SORCS3: variants seen among roughly 807,000 people sequenced by gnomAD.
SORCS3 encodes the protein VPS10 domain-containing receptor SorCS3.
Under a neutral mutation model 146.3 loss-of-function variants are expected in SORCS3, and 57 were observed. That is an observed-to-expected ratio of 0.39 (90% CI 0.31 to 0.49). SORCS3 has a LOEUF of 0.49. Ranked by LOEUF, SORCS3 falls within the 20% of genes least tolerant of loss-of-function variation. The pLI is 0.92. For synonymous variants in SORCS3, 653 were observed against 618.5 expected (o/e 1.06, Z -0.83); for missense variants, 1,341 against 1,575.5 (o/e 0.85, Z 2.52).
At chr10:105,154,046 G>A (rs2056187680) in intron 9 of SORCS3, among the ~76,000 whole-genome samples, 1 of 134,948 alleles carries the variant, frequency 7.4e-6, no homozygotes, top group South Asian at 2.4e-4. Context: ...CTCTAGCCCA[G>A]GTGACTGAGT....
chr10:105,016,458 T>C (rs1198741956), intron 4 of SORCS3, among the ~76,000 whole-genome samples: 2 of 151,994 alleles, frequency 1.3e-5, no homozygotes, highest in African/African-American at 4.8e-5. Context: ...CTTATAAATA[T>C]ATATTTTATA....
At chr10:104,750,105 C>T (rs889620401) in intron 1 of SORCS3, among the ~76,000 whole-genome samples, 5 of 152,114 alleles carry the variant, frequency 3.3e-5, no homozygotes, top group African/African-American at 1.2e-4. Flanking sequence ...ACTTATATTA[C>T]ATACTATGAT....
rs541625818 is a variant in SORCS3, at chr10:104,856,039, T to C, written c.695+13180T>C. 2.7e-4 allele frequency among the ~76,000 whole-genome samples: 41 copies of C among 152,254 alleles called. 1 individual carries two copies. The South Asian group carries it at 8.3e-3, about 31-fold the overall frequency. On this transcript the variant is annotated intron_variant, in intron 2 of 26. Coordinates refer to ENST00000369701, the MANE Select transcript of SORCS3 (RefSeq NM_014978.3). ...AGGCATGAGCCACCATGCCCAGCCA[T>C]GCTTTTGAATGTTTATTGTGAACTC...
intron 20 of SORCS3, among the ~76,000 whole-genome samples, chr10:105,227,860 T>C (rs1189822871): frequency 1.3e-5 from 2 of 152,052 alleles, no homozygotes; most frequent in Admixed American, 6.6e-5. Context: ...GATATAAATA[T>C]AGCTACTCCT....
At chr10:105,242,385 T>G (rs1190006733) in intron 20 of SORCS3, among the ~76,000 whole-genome samples, 1 of 115,212 alleles carries the variant, frequency 8.7e-6, no homozygotes, top group Non-Finnish European at 1.7e-5. Context: ...TATATTTATA[T>G]ATATTTATAT....
intron 3 of SORCS3, among the ~76,000 whole-genome samples, chr10:104,922,352 G>T (rs1419903887): frequency 6.6e-6 from 1 of 152,218 alleles, no homozygotes; most frequent in Non-Finnish European, 1.5e-5. Flanking sequence ...AGCAAAGTAT[G>T]TTTTGAGGGA....
At chr10:104,725,586 G>GAGGC (rs1351585953) in intron 1 of SORCS3, among the ~76,000 whole-genome samples, 2 of 152,180 alleles carry the variant, frequency 1.3e-5, no homozygotes, top group African/African-American at 4.8e-5. Context: ...GGAGTCTATA[G>GAGGC]AGGCAGGCAG....
chr10:104,782,228 C>G (rs1032118294), intron 1 of SORCS3, among the ~76,000 whole-genome samples: 1 of 152,184 alleles, frequency 6.6e-6, no homozygotes, highest in Non-Finnish European at 1.5e-5. Flanking sequence ...CCTGATACTC[C>G]TGAGCCTGGA....
At chr10:105,076,044 A>G (rs937548863) in intron 5 of SORCS3, among the ~76,000 whole-genome samples, 1 of 152,184 alleles carries the variant, frequency 6.6e-6, no homozygotes, top group African/African-American at 2.4e-5. Context: ...GTGTCTCTGT[A>G]TGTTCCATAA....
intron 4 of SORCS3, among the ~76,000 whole-genome samples, chr10:104,990,806 G>C (rs369452235): frequency 6.6e-4 from 100 of 152,220 alleles, no homozygotes; most frequent in African/African-American, 2.4e-3. Flanking sequence ...GGCTGGAAAA[G>C]GCAAGGAAAT....
chr10:104,799,233 A>G (rs2017594847), intron 1 of SORCS3, among the ~76,000 whole-genome samples: 1 of 152,198 alleles, frequency 6.6e-6, no homozygotes, highest in Non-Finnish European at 1.5e-5. Context: ...TACAATAAAG[A>G]CACATACACA....
At chr10:105,129,898 C>T (rs942101579) in intron 7 of SORCS3, among the ~76,000 whole-genome samples, 3 of 152,084 alleles carry the variant, frequency 2.0e-5, no homozygotes, top group Admixed American at 6.6e-5. Context: ...TATCCTTTAT[C>T]CCTGATCAAC....
chr10:104,645,066 G>T (rs1320454036), intron 1 of SORCS3, among the ~76,000 whole-genome samples: 1 of 152,154 alleles, frequency 6.6e-6, no homozygotes, highest in East Asian at 1.9e-4. Context: ...CAAAGGAGAA[G>T]GAGTGCAACT....
At chr10:104,833,762 A>T (rs2018034528) in intron 1 of SORCS3, among the ~76,000 whole-genome samples, 1 of 152,076 alleles carries the variant, frequency 6.6e-6, no homozygotes, top group South Asian at 2.1e-4. Context: ...CCATCCAATC[A>T]CTGACAGCTC....
chr10:104,650,198 T>C (rs1232265416), intron 1 of SORCS3, among the ~76,000 whole-genome samples: 1 of 152,240 alleles, frequency 6.6e-6, no homozygotes, highest in Non-Finnish European at 1.5e-5. Context: ...CCCATAGAGT[T>C]GTAGGCTTGA....
chr10:104,733,919 G>A (rs1228326986), intron 1 of SORCS3, among the ~76,000 whole-genome samples: 2 of 152,128 alleles, frequency 1.3e-5, no homozygotes, highest in Admixed American at 6.5e-5. Flanking sequence ...TCCCAGTGAT[G>A]CCTTTAGATG....
chr10:105,210,826 G>C (rs887275278), intron 16 of SORCS3, among the ~76,000 whole-genome samples: 12 of 152,094 alleles, frequency 7.9e-5, no homozygotes, highest in African/African-American at 2.2e-4. Flanking sequence ...ATTTTTAACA[G>C]CATCCTCCGC....
At position 105,255,808 on chromosome 10, in the gene SORCS3, G is replaced by A; in HGVS notation, c.3337+7G>A. 6.2e-7 allele frequency: 1 copy of A among 1,603,770 alleles called. No individual in the cohort carries two copies. The highest frequency in any genetic ancestry group is 1.3e-5 in the African/African-American group (1 of 74,832). ...GTCACACAGCTGACGTTAGGTGAGTGCCACTGGGAACTGGGGAAATGGGAA... is the reference window on the plus strand; with the variant it reads ...GTCACACAGCTGACGTTAGGTGAGTACCACTGGGAACTGGGGAAATGGGAA... On this transcript the variant is annotated splice_region_variant and intron_variant, in intron 24 of 26. Transcript: ENST00000369701.
At chr10:105,030,863 G>T (rs912126411) in intron 4 of SORCS3, among the ~76,000 whole-genome samples, 14 of 151,974 alleles carry the variant, frequency 9.2e-5, no homozygotes, top group African/African-American at 2.9e-4. Context: ...AAAGTGTTGG[G>T]ATTACAGGTG....
Sources: allele counts gnomAD v4.1 joint callset (sites outside exome capture counted in the v4.1 genomes callset), GRCh38; gene constraint gnomAD v4.1.1; transcripts MANE v1.5; gene names NCBI Gene and HGNC (gene_info 2026-07-23, HGNC 2026-07-21).